The following DMD variants were observed in gnomAD, a reference collection of about 807,000 sequenced individuals.
DMD encodes mutant dystrophin.
A neutral mutation model predicts 330.1 loss-of-function variants in DMD; 63 were observed. That is an observed-to-expected ratio of 0.19 (90% CI 0.16 to 0.24). DMD has a LOEUF of 0.24. Ranked by LOEUF, DMD falls within the 10% of genes least tolerant of loss-of-function variation. The pLI is 1.00. For synonymous variants in DMD, 1,223 were observed against 959.8 expected, an observed-to-expected ratio of 1.27 and a Z score of -5.07; for missense variants, 3,344 against 2,684.1, an observed-to-expected ratio of 1.25 and a Z score of -5.43.
At chrX:32,654,830 C>T (rs975481056) in intron 9 of DMD, among the ~76,000 whole-genome samples, 5 of 111,071 alleles carry the variant, frequency 4.5e-5, no homozygotes, top group Non-Finnish European at 7.5e-5. Flanking sequence ...AATTTCAGAG[C>T]CTGTTATTGG....
At chrX:31,141,700 G>C (rs1285543369) in intron 76 of DMD, among the ~76,000 whole-genome samples, 1 of 111,456 alleles carries the variant, frequency 9.0e-6, no homozygotes, top group East Asian at 2.8e-4. Flanking sequence ...AATTGGAAGA[G>C]ATGCTCCAAA....
intron 44 of DMD, among the ~76,000 whole-genome samples, chrX:31,976,597 C>T (rs191293133): frequency 4.3e-4 from 48 of 110,490 alleles, no homozygotes; most frequent in Non-Finnish European, 1.1e-4. Flanking sequence ...ATTGAGAGGC[C>T]GTATGATTCC....
chrX:31,987,197 T>C (rs918929755), intron 44 of DMD, among the ~76,000 whole-genome samples: 5 of 112,106 alleles, frequency 4.5e-5, no homozygotes, highest in East Asian at 2.8e-4. Context: ...CCTTTATTTG[T>C]ATTCATGAGT....
chrX:33,230,548 A>G (rs1226275594), intron 1 of DMD, among the ~76,000 whole-genome samples: 1 of 111,558 alleles, frequency 9.0e-6, no homozygotes, highest in Non-Finnish European at 1.9e-5. Flanking sequence ...TGGAAAGTAT[A>G]ATATTCTTTT....
chrX:32,580,059 C>G (rs2053493601), intron 13 of DMD, among the ~76,000 whole-genome samples: 1 of 107,131 alleles, frequency 9.3e-6, no homozygotes, highest in African/African-American at 3.4e-5. Context: ...CTCTCCAGCT[C>G]CCACCAGTCT....
At chrX:32,090,177 G>T (rs1398724479) in intron 44 of DMD, among the ~76,000 whole-genome samples, 1 of 111,918 alleles carries the variant, frequency 8.9e-6, no homozygotes, top group Non-Finnish European at 1.9e-5. Context: ...GAATCTCCAA[G>T]AAGTTGAATC....
chrX:32,678,187 G>A (rs1043210966), intron 9 of DMD, among the ~76,000 whole-genome samples: 6 of 111,857 alleles, frequency 5.4e-5, no homozygotes, highest in South Asian at 3.7e-4. Flanking sequence ...GCTACACAAC[G>A]TTGTCTCTAA....
intron 11 of DMD, among the ~76,000 whole-genome samples, chrX:32,642,263 G>T (rs866714700): frequency 8.9e-6 from 1 of 112,156 alleles, no homozygotes; most frequent in Non-Finnish European, 1.9e-5. Context: ...TTCCAGAAAA[G>T]TCTATGTGAT....
intron 41 of DMD, among the ~76,000 whole-genome samples, chrX:32,319,271 G>C (rs1449474602): frequency 9.1e-6 from 1 of 110,303 alleles, no homozygotes; most frequent in African/African-American, 3.3e-5. Context: ...ATCATGGCCT[G>C]CTTTGTAAAA....
intron 2 of DMD, among the ~76,000 whole-genome samples, chrX:32,917,411 G>C (rs143776289): frequency 9.0e-6 from 1 of 111,629 alleles, no homozygotes; most frequent in South Asian, 3.8e-4. Flanking sequence ...AACTATTTTT[G>C]TTTGCTCATT....
At position 32,518,149 on chromosome X, in the gene DMD, A is replaced by G. The variant is rs2046044358; in HGVS notation, c.2169-18T>C. On this transcript the variant is annotated intron_variant, in intron 17 of 78. Transcript: ENST00000357033. ...CATCCAACCTAAGACAGCAAAAAAT[A>G]AAAGTCATTATTTCTTGATTATCTC... 3 of 1,194,701 alleles carry G rather than the reference A, an allele frequency of 2.5e-6. No homozygotes were observed. Among genetic ancestry groups the G allele is most frequent in the Admixed American group, 4.4e-5 (2 of 45,370 alleles).
chrX:32,561,435 G>A lies in DMD; in HGVS notation c.1992+4267C>T, dbSNP rs765694623. 4.5e-5 allele frequency among the ~76,000 whole-genome samples: 5 copies of A among 111,584 alleles called. No homozygotes were observed. In the South Asian group the frequency reaches 1.5e-3, roughly 33 times the overall value. On this transcript the variant is annotated intron_variant, in intron 16 of 78. Transcript: ENST00000357033. ...CTTGAAGACTATCTTGCTGAAATAA[G>A]ACAGGCAGAAAAGATTAGAGAAAAA... is the stretch of plus-strand genomic sequence containing the variant.
chrX:32,685,022 C>G (rs993941884), intron 9 of DMD, among the ~76,000 whole-genome samples: 2 of 111,472 alleles, frequency 1.8e-5, no homozygotes, highest in African/African-American at 6.5e-5. Context: ...TAATCATGCT[C>G]TATGAAGCAA....
At chrX:32,661,928 C>A in intron 9 of DMD, among the ~76,000 whole-genome samples, 1 of 111,392 alleles carries the variant, frequency 9.0e-6, no homozygotes, top group East Asian at 2.8e-4. Context: ...GGTATATAAT[C>A]ATACCCGAAA....
At chrX:31,921,132 G>C (rs1248587503) in intron 47 of DMD, among the ~76,000 whole-genome samples, 1 of 111,128 alleles carries the variant, frequency 9.0e-6, no homozygotes, top group Non-Finnish European at 1.9e-5. Context: ...TGGGGAAGCA[G>C]TGTGAAAGTT....
chrX:32,160,924 C>T (rs1164757417), intron 44 of DMD, among the ~76,000 whole-genome samples: 2 of 111,161 alleles, frequency 1.8e-5, no homozygotes, highest in Non-Finnish European at 3.8e-5. Flanking sequence ...AGAGGATTGT[C>T]CTTTGGTGAC....
chrX:33,128,196 T>C (rs775464773), intron 1 of DMD: 120 of 1,199,046 alleles, frequency 1.0e-4, no homozygotes, highest in Middle Eastern at 6.9e-4. Flanking sequence ...GCTACACACC[T>C]TCATAGGAAA....
In DMD at chrX:32,969,344, A is replaced by C. The variant is rs750952843; in HGVS notation, c.93+50795T>G. Among the ~76,000 whole-genome samples, 30 of 93,411 alleles carry C rather than the reference A, an allele frequency of 3.2e-4. 5 individuals carry two copies. The highest frequency in any genetic ancestry group is 5.9e-4 in the Non-Finnish European group (29 of 49,203). 81.1% of individuals were successfully genotyped at this position (93,411 alleles called of 115,157 possible). A position where few individuals can be genotyped will look rare whatever the true frequency, so the allele number is the denominator to read the frequency against. On this transcript the variant is annotated intron_variant, in intron 2 of 78. Transcript: ENST00000357033. Reference sequence around the variant, plus strand: ...TTCTCTCACGTGCTACCACATACATAGATAAAATATGTATGTATTTTATAC... The same window carrying C: ...TTCTCTCACGTGCTACCACATACATCGATAAAATATGTATGTATTTTATAC...
intron 54 of DMD, among the ~76,000 whole-genome samples, chrX:31,638,473 G>A (rs1424734894): frequency 1.8e-5 from 2 of 111,987 alleles, no homozygotes; most frequent in Non-Finnish European, 3.8e-5. Flanking sequence ...TCTATTAATC[G>A]ACATCCTTTG....
Sources: allele counts gnomAD v4.1 joint callset (sites outside exome capture counted in the v4.1 genomes callset), GRCh38; gene constraint gnomAD v4.1.1; transcripts MANE v1.5; gene names NCBI Gene and HGNC (gene_info 2026-07-23, HGNC 2026-07-21).